ATP11C: variants seen among roughly 807,000 people sequenced by gnomAD.
ATP11C encodes the protein phospholipid-transporting ATPase IG.
ATP11C carries 36 observed loss-of-function variants against 97.4 expected under a neutral mutation model. The ratio of observed to expected loss-of-function variants is 0.37; its 90% CI spans 0.28 to 0.49. The LOEUF (loss-of-function observed/expected upper bound fraction) is 0.49. Among genes scored for constraint, ATP11C ranks in the 20% least tolerant of loss-of-function variants. The probability of loss-of-function intolerance (pLI) is 0.98; values close to 1 mark genes in which losing one functional copy is unlikely to be tolerated. For synonymous variants in ATP11C, 275 were observed against 290.9 expected, an observed-to-expected ratio of 0.95 and a Z score of 0.56; for missense variants, 730 against 824.6, an observed-to-expected ratio of 0.89 and a Z score of 1.40.
chrX:139,876,515 T>C (rs752184320), intron 1 of ATP11C, among the ~76,000 whole-genome samples: 1 of 112,242 alleles, frequency 8.9e-6, no homozygotes, highest in Non-Finnish European at 1.9e-5. Context: ...TACTGTAGCT[T>C]TGAACGCCTG....
At chrX:139,735,809 C>A (rs1161164289) in intron 28 of ATP11C, among the ~76,000 whole-genome samples, 1 of 110,524 alleles carries the variant, frequency 9.0e-6, no homozygotes, top group African/African-American at 3.3e-5. Context: ...TGAGTGCCCA[C>A]AACATTTTGC....
Position 139,782,387 on chromosome X carries a change from C to G in ATP11C, c.1952+160G>C, listed in dbSNP as rs201665673. The stretch of plus-strand genomic sequence containing the variant: ...ATCATTCCTACTAACAGCTCAAAAT[C>G]TGGTGTAATTTTTCATACTTGCTAT... On this transcript the variant is annotated intron_variant, in intron 18 of 29. Coordinates refer to ENST00000682941, the MANE Select transcript of ATP11C (RefSeq NM_001353812.2). Among the ~76,000 whole-genome samples the G allele has an allele frequency of 4.5e-5, 5 of 110,500 alleles. No individual in the cohort carries two copies. The East Asian group carries it at 1.4e-3, about 31-fold the overall frequency.
chrX:139,801,425 T>C (rs2082924540), intron 7 of ATP11C, among the ~76,000 whole-genome samples: 1 of 111,664 alleles, frequency 9.0e-6, no homozygotes, highest in Non-Finnish European at 1.9e-5. Context: ...AGGGAGGTCA[T>C]TGTTCTTGAA....
chrX:139,741,023 T>G lies in ATP11C; in HGVS notation c.3102A>C (p.Val1034=). ...TTCCTCCCCAGAAGAATGAGAAAAA[T>G]ACATAGAAGGCTAAAGAACCCCAAA... The part of the protein sequence containing the change: ...FVIWGSLAFY[V]FFSFFWGGII... Residue 1034 remains valine (V), a synonymous_variant, in exon 27 of 30, where the codon GTA becomes GTC. Transcript: ENST00000682941. 8.3e-7 allele frequency: 1 copy of G among 1,204,562 alleles called. No homozygotes were observed. Among genetic ancestry groups the G allele is most frequent in the South Asian group, 1.8e-5 (1 of 56,730 alleles).
At chrX:139,842,036 T>G (rs977567210) in intron 1 of ATP11C, among the ~76,000 whole-genome samples, 3 of 111,478 alleles carry the variant, frequency 2.7e-5, no homozygotes, top group Non-Finnish European at 3.8e-5. Flanking sequence ...TTTGTTTTGT[T>G]TTGTTTTGCT....
At chrX:139,918,467 C>G (rs1304367675) in intron 1 of ATP11C, among the ~76,000 whole-genome samples, 2 of 103,264 alleles carry the variant, frequency 1.9e-5, no homozygotes, top group Non-Finnish European at 3.9e-5. Flanking sequence ...CAAAAATTAG[C>G]TGGGCATAGT....
intron 5 of ATP11C, among the ~76,000 whole-genome samples, chrX:139,812,097 C>T (rs1479889924): frequency 2.7e-5 from 3 of 110,962 alleles, no homozygotes; most frequent in African/African-American, 9.9e-5. Context: ...GACTCCCCAC[C>T]ACACTAAGGA....
intron 5 of ATP11C, among the ~76,000 whole-genome samples, chrX:139,812,336 A>C (rs1318724716): frequency 9.0e-6 from 1 of 111,700 alleles, no homozygotes; most frequent in Non-Finnish European, 1.9e-5. Flanking sequence ...AGCCTCAAGG[A>C]AAAGAAGCTT....
chrX:139,743,537 C>A, intron 26 of ATP11C, 22 bp downstream of exon 26: 3 of 1,044,237 alleles, frequency 2.9e-6, no homozygotes, highest in South Asian at 2.1e-5. Context: ...TTAAAAAATA[C>A]ATGAATAAGT....
At chrX:139,899,097 G>C (rs1047859629) in intron 1 of ATP11C, among the ~76,000 whole-genome samples, 1 of 111,618 alleles carries the variant, frequency 9.0e-6, no homozygotes, top group Non-Finnish European at 1.9e-5. Context: ...TACCTGACCA[G>C]TATCCCTCAA....
intron 1 of ATP11C, among the ~76,000 whole-genome samples, chrX:139,902,911 G>A (rs1017654168): frequency 7.2e-5 from 8 of 111,429 alleles, no homozygotes; most frequent in African/African-American, 2.6e-4. Context: ...TGAATAAATG[G>A]GATATTGAGG....
chrX:139,900,398 A>G (rs2084881132), intron 1 of ATP11C, among the ~76,000 whole-genome samples: 1 of 109,669 alleles, frequency 9.1e-6, no homozygotes, highest in Non-Finnish European at 1.9e-5. Flanking sequence ...AAAATTGCTA[A>G]TGCTTCACAA....
At chrX:139,778,487 C>T (rs934654361) in intron 18 of ATP11C, among the ~76,000 whole-genome samples, 2 of 111,710 alleles carry the variant, frequency 1.8e-5, no homozygotes, top group Non-Finnish European at 3.8e-5. Flanking sequence ...TGTAAATGGC[C>T]TAAATGCTCC....
chrX:139,731,884 A>C, intron 28 of ATP11C, 129 bp from the exon 29 acceptor site: 1 of 295,091 alleles, frequency 3.4e-6, no homozygotes, highest in Middle Eastern at 6.1e-4. Flanking sequence ...CAAAAGTACA[A>C]ATGATTACAC....
rs1404390600 is a variant in ATP11C at position 139,860,191 on chromosome X, G to C, written c.28-33368C>G. Among the ~76,000 whole-genome samples the C allele has an allele frequency of 3.7e-5, 4 of 108,648 alleles. No homozygotes were observed. In the Admixed American group the frequency reaches 3.9e-4, roughly 11 times the overall value. 94.3% of individuals were successfully genotyped at this position (108,648 alleles called of 115,157 possible). ...TTTTAAAACAGAATAGAGTTCATTA[G>C]ACTTTTCATGACTATAATTAGAAAA... On this transcript the variant is annotated intron_variant, in intron 1 of 29. Coordinates refer to ENST00000682941, the MANE Select transcript of ATP11C (RefSeq NM_001353812.2).
chrX:139,803,944 G>T (rs754368840), intron 6 of ATP11C, among the ~76,000 whole-genome samples: 1 of 108,980 alleles, frequency 9.2e-6, no homozygotes, highest in Non-Finnish European at 1.9e-5. Context: ...CAAATGATCC[G>T]TCTACCTCAG....
At chrX:139,874,142 A>G (rs1265388416) in intron 1 of ATP11C, among the ~76,000 whole-genome samples, 1 of 107,194 alleles carries the variant, frequency 9.3e-6, no homozygotes, top group Non-Finnish European at 1.9e-5. Flanking sequence ...TCCCAGGCTC[A>G]AGCAATTCTC....
intron 29 of ATP11C, among the ~76,000 whole-genome samples, chrX:139,729,621 C>T (rs2081302673): frequency 9.0e-6 from 1 of 111,331 alleles, no homozygotes; most frequent in South Asian, 3.8e-4. Context: ...ACGGATATTT[C>T]CCTATCAAAT....
At chrX:139,737,660 T>C (rs2081471010) in intron 28 of ATP11C, 2 of 277,295 alleles carry the variant, frequency 7.2e-6, no homozygotes, top group Non-Finnish European at 1.3e-5. Flanking sequence ...TAAAATTCCA[T>C]ATGGAGCATA....
Sources: allele counts gnomAD v4.1 joint callset (sites outside exome capture counted in the v4.1 genomes callset), GRCh38; gene constraint gnomAD v4.1.1; transcripts MANE v1.5; gene names NCBI Gene and HGNC (gene_info 2026-07-23, HGNC 2026-07-21).